The following COX10 variants were observed in gnomAD, a reference collection of about 807,000 sequenced individuals.
The protein encoded by COX10 is protoheme IX farnesyltransferase, mitochondrial.
Under a neutral mutation model 37.3 loss-of-function variants are expected in COX10, and 27 were observed. The ratio of observed to expected loss-of-function variants is 0.72; its 90% CI spans 0.53 to 1.00. The LOEUF (loss-of-function observed/expected upper bound fraction) is 1.00. COX10 is among the 50% of genes least tolerant of loss of function. The pLI, the probability that COX10 is intolerant of heterozygous loss-of-function variation, is 0.00. For synonymous variants in COX10, 222 were observed against 229.1 expected (o/e 0.97, Z 0.28); for missense variants, 475 against 563.2 (o/e 0.84, Z 1.59).
intron 5 of COX10, among the ~76,000 whole-genome samples, chr17:14,172,098 C>T (rs1905488311): frequency 6.6e-6 from 1 of 152,210 alleles, no homozygotes; most frequent in Non-Finnish European, 1.5e-5. Context: ...CTTCCTAACC[C>T]TCCTTCCATC....
intron 4 of COX10, among the ~76,000 whole-genome samples, chr17:14,141,041 G>T (rs1389415417): frequency 1.3e-5 from 2 of 151,586 alleles, no homozygotes; most frequent in East Asian, 3.9e-4. Context: ...TATCGTCTAG[G>T]ATTTTTTTTT....
At chr17:14,162,064 A>G (rs991923792) in intron 5 of COX10, among the ~76,000 whole-genome samples, 1 of 152,240 alleles carries the variant, frequency 6.6e-6, no homozygotes, top group Non-Finnish European at 1.5e-5. Flanking sequence ...CTCTAAAAAA[A>G]GACTATGATA....
At chr17:14,194,817 A>G (rs2142265110) in intron 6 of COX10, among the ~76,000 whole-genome samples, 1 of 152,340 alleles carries the variant, frequency 6.6e-6, no homozygotes, top group East Asian at 1.9e-4. Flanking sequence ...AGCTAAGGGC[A>G]GCTCATCCCT....
chr17:14,155,333 A>AGG (rs1567603536), intron 4 of COX10, among the ~76,000 whole-genome samples: 1 of 148,942 alleles, frequency 6.7e-6, no homozygotes, highest in East Asian at 1.9e-4. Flanking sequence ...TCTACATAAA[A>AGG]AAAAAAAAAA....
intron 4 of COX10, among the ~76,000 whole-genome samples, chr17:14,109,100 C>T (rs1915959764): frequency 6.6e-6 from 1 of 152,164 alleles, no homozygotes; most frequent in Non-Finnish European, 1.5e-5. Context: ...AACTTGCATT[C>T]ATTCAGTGGT....
At chr17:14,159,090 A>C (rs1469389339) in intron 4 of COX10, among the ~76,000 whole-genome samples, 3 of 152,190 alleles carry the variant, frequency 2.0e-5, no homozygotes, top group African/African-American at 7.2e-5. Context: ...TAGGATGACC[A>C]TACCAATCTA....
intron 4 of COX10, among the ~76,000 whole-genome samples, chr17:14,140,802 A>G (rs1354529211): frequency 6.6e-6 from 1 of 152,116 alleles, no homozygotes; most frequent in Non-Finnish European, 1.5e-5. Context: ...TTTAATTGCA[A>G]CGTTATGTCT....
At chr17:14,178,388 C>T (rs1271907583) in intron 5 of COX10, among the ~76,000 whole-genome samples, 8 of 108,224 alleles carry the variant, frequency 7.4e-5, no homozygotes, top group East Asian at 2.4e-4. Flanking sequence ...TATGGTCTTC[C>T]GTGCTGTAAG....
At chr17:14,114,807 A>T (rs1412937364) in intron 4 of COX10, among the ~76,000 whole-genome samples, 5 of 152,008 alleles carry the variant, frequency 3.3e-5, no homozygotes, top group Non-Finnish European at 7.4e-5. Flanking sequence ...AGTTTATTTA[A>T]CCTTTTCCAC....
At chr17:14,093,824 TTGTA>T (rs1478347721) in intron 3 of COX10, among the ~76,000 whole-genome samples, 41 of 152,328 alleles carry the variant, frequency 2.7e-4, no homozygotes, top group Non-Finnish European at 5.6e-4. Context: ...GATTGTGTGT[TTGTA>T]TGTGCTTCAT....
chr17:14,190,983 T>C (rs1219851346), intron 5 of COX10, among the ~76,000 whole-genome samples: 1 of 152,110 alleles, frequency 6.6e-6, no homozygotes, highest in Non-Finnish European at 1.5e-5. Flanking sequence ...AAGAAACGTG[T>C]TGTGGAATCT....
chr17:14,114,620 A>G (rs548061314), intron 4 of COX10, among the ~76,000 whole-genome samples: 1 of 152,240 alleles, frequency 6.6e-6, no homozygotes, highest in Non-Finnish European at 1.5e-5. Flanking sequence ...TCCTCTGTGA[A>G]AGAAGTCTAG....
rs554598847 is a variant in COX10 at position 14,160,179 on chromosome 17, A to T, written c.695+232A>T. On this transcript the variant is annotated intron_variant, in intron 5 of 6. Coordinates refer to ENST00000261643, the MANE Select transcript of COX10 (RefSeq NM_001303.4). The stretch of plus-strand genomic sequence containing the variant: ...TTTTTTTATGGTAGTAACTTATGTG[A>T]TATATATATATTTTTAATTCCACTT... Among the ~76,000 whole-genome samples the T allele has an allele frequency of 4.6e-5, 7 of 151,952 alleles. No homozygotes were observed. The South Asian group carries it at 1.5e-3, about 31-fold the overall frequency.
intron 5 of COX10, chr17:14,179,169 A>G: frequency 1.3e-6 from 1 of 767,662 alleles, no homozygotes; most frequent in Non-Finnish European, 1.6e-6. Flanking sequence ...TTCAGTTAAA[A>G]TTGGAGTTTC....
intron 4 of COX10, among the ~76,000 whole-genome samples, chr17:14,117,234 T>C (rs1916133555): frequency 6.6e-6 from 1 of 152,178 alleles, no homozygotes; most frequent in Non-Finnish European, 1.5e-5. Context: ...CTTACTTTGC[T>C]CTTTATGTTT....
intron 4 of COX10, among the ~76,000 whole-genome samples, chr17:14,152,507 G>A (rs1220073206): frequency 1.3e-5 from 2 of 152,290 alleles, no homozygotes; most frequent in Non-Finnish European, 2.9e-5. Flanking sequence ...TGAGATTTGG[G>A]TGGGGACACA....
At chr17:14,131,711 TCTC>T (rs1451495595) in intron 4 of COX10, among the ~76,000 whole-genome samples, 1 of 152,000 alleles carries the variant, frequency 6.6e-6, no homozygotes, top group East Asian at 1.9e-4. Context: ...AATAAATCAT[TCTC>T]CTGCAGCCTG....
chr17:14,098,517 A>ATGG (rs1175634242), intron 3 of COX10, among the ~76,000 whole-genome samples: 2 of 152,134 alleles, frequency 1.3e-5, no homozygotes, highest in African/African-American at 4.8e-5. Flanking sequence ...TTTGCAATTT[A>ATGG]TGGTGTGATA....
chr17:14,204,778 A>AT (rs1329281413), intron 6 of COX10, among the ~76,000 whole-genome samples: 1 of 72,908 alleles, frequency 1.4e-5, no homozygotes, highest in African/African-American at 3.7e-5. Flanking sequence ...ATACGTTAAG[A>AT]TCCTCTGTGG....
Sources: allele counts gnomAD v4.1 joint callset (sites outside exome capture counted in the v4.1 genomes callset), GRCh38; gene constraint gnomAD v4.1.1; transcripts MANE v1.5; gene names NCBI Gene and HGNC (gene_info 2026-07-23, HGNC 2026-07-21).